GSN: variants seen among roughly 807,000 people sequenced by gnomAD.
GSN encodes the protein actin-depolymerizing factor.
A neutral mutation model predicts 85.7 loss-of-function variants in GSN; 56 were observed. The ratio of observed to expected loss-of-function variants is 0.65; its 90% CI spans 0.53 to 0.82. The LOEUF is 0.82. Among genes scored for constraint, GSN ranks in the 40% least tolerant of loss-of-function variants. The pLI is 0.00. For missense variants in GSN, 857 were observed against 979.8 expected (o/e 0.87, Z 1.67); for synonymous variants, 373 against 399.1 (o/e 0.93, Z 0.78).
Position 121,318,421 on chromosome 9 carries a change from C to T in GSN, c.902C>T (p.Thr301Met), listed in dbSNP as rs1469592806. Reference sequence around the variant, plus strand: ...CTGCCAACAGGCAAGCAGGCAAACACGGAGGAGAGGAAGGCTGCCCTCAAA... The same window carrying T: ...CTGCCAACAGGCAAGCAGGCAAACATGGAGGAGAGGAAGGCTGCCCTCAAA... ...IFVWKGKQAN[T>M]EERKAALKTA... The change falls in exon 9 of 18, where the codon ACG becomes ATG. Residue 301 changes from threonine to methionine, a missense_variant. By Grantham distance (81) the Thr-to-Met change is moderately conservative. Coordinates refer to ENST00000432226, the MANE Select transcript of GSN (RefSeq NM_198252.3). The surrounding 1 kb of genome is among the most constrained non-coding windows in gnomAD (Gnocchi z 4.3). 5.6e-6 allele frequency: 9 copies of T among 1,613,906 alleles called. No individual in the cohort carries two copies. In the East Asian group the frequency reaches 6.7e-5, roughly 12 times the overall value.
rs35596351 is a variant in GSN at position 121,322,833 on chromosome 9, A to ATT, written c.1325+1446_1325+1447dup. ...TTTTTGTCTGATTATTGACTGTTGGATTTTTTTTTTTTTTTGAGACAGGGT... is the reference window on the plus strand; with the variant it reads ...TTTTTGTCTGATTATTGACTGTTGGATTTTTTTTTTTTTTTTTGAGACAGGGT... On this transcript the variant is annotated intron_variant, in intron 11 of 17. Transcript: ENST00000432226. Among the ~76,000 whole-genome samples the ATT allele has an allele frequency of 3.5e-3, 500 of 143,836 alleles. 2 individuals carry two copies. Among genetic ancestry groups the ATT allele is most frequent in the Admixed American group, 4.1e-3 (60 of 14,582 alleles). The allele number at this position is 143,836 out of a possible 152,430, so 94.4% of individuals were successfully genotyped here.
At chr9:121,221,244 T>A (rs2054164931) in intron 4 of GSN, among the ~76,000 whole-genome samples, 1 of 152,188 alleles carries the variant, frequency 6.6e-6, no homozygotes, top group South Asian at 2.1e-4. Flanking sequence ...TCCCTTTACA[T>A]AACAAAAGTC....
At chr9:121,237,964 C>T (rs1451973014) in intron 5 of GSN, among the ~76,000 whole-genome samples, 3 of 152,208 alleles carry the variant, frequency 2.0e-5, no homozygotes, top group Non-Finnish European at 4.4e-5. Context: ...AAGCATTCAA[C>T]ACTGGAACAA....
At position 121,299,921 on chromosome 9, in the gene GSN, G is replaced by A; in HGVS notation, c.-9-2042G>A. 7.9e-7 allele frequency: 1 copy of A among 1,261,132 alleles called. No individual in the cohort carries two copies. The highest frequency in any genetic ancestry group is 2.5e-4 in the Middle Eastern group (1 of 3,954). The allele number at this position is 1,261,132 out of a possible 1,614,324, so 78.1% of individuals were successfully genotyped here. A position where few individuals can be genotyped will look rare whatever the true frequency, so the allele number is the denominator to read the frequency against. On this transcript the variant is annotated intron_variant, in intron 2 of 17. Coordinates refer to ENST00000432226, the MANE Select transcript of GSN (RefSeq NM_198252.3). The surrounding 1 kb of genome is among the most constrained non-coding windows in gnomAD (Gnocchi z 4.2). ...GCGCGCTGTCCCTGGCGCTGTGCGC[G>A]CTGTCGCTGCCCGTCCGCGCGGCCA...
intron 4 of GSN, among the ~76,000 whole-genome samples, chr9:121,224,831 T>TAAA (rs2054243710): frequency 1.3e-5 from 2 of 150,040 alleles, no homozygotes; most frequent in African/African-American, 4.9e-5. Context: ...AATAAATAAA[T>TAAA]TTATTGAGAC....
intron 4 of GSN, among the ~76,000 whole-genome samples, chr9:121,225,763 A>C (rs1262676361): frequency 6.6e-6 from 1 of 152,196 alleles, no homozygotes. Flanking sequence ...GGAATGAATA[A>C]GATGATTAGC....
chr9:121,224,245 C>G (rs2054229348), intron 4 of GSN, among the ~76,000 whole-genome samples: 1 of 151,794 alleles, frequency 6.6e-6, no homozygotes, highest in East Asian at 1.9e-4. Context: ...TACAGGCGCC[C>G]GTCACCACGC....
rs577994986 is a variant in GSN, at chr9:121,227,704, C to T, written c.-527-3461C>T. Among the ~76,000 whole-genome samples, 16 of 152,252 alleles carry T rather than the reference C, an allele frequency of 1.1e-4. No individual in the cohort carries two copies. In the South Asian group the frequency reaches 3.3e-3, roughly 32 times the overall value. On this transcript the variant is annotated intron_variant, in intron 4 of 24. Coordinates refer to the GSN transcript ENST00000373823. ...GAACTGCTTGGTGTGAGGGGAAATA[C>T]ACCCTCACATTGGTGTCAGACTGTT... is the stretch of plus-strand genomic sequence containing the variant.
chr9:121,294,369 A>G (rs1045318775), intron 2 of GSN, among the ~76,000 whole-genome samples: 2 of 152,110 alleles, frequency 1.3e-5, no homozygotes, highest in South Asian at 4.1e-4. Flanking sequence ...TCTCAGGGCC[A>G]TTTCCTCCCC....
chr9:121,273,758 A>G (rs150300654), intron 1 of GSN, among the ~76,000 whole-genome samples: 2 of 152,334 alleles, frequency 1.3e-5, no homozygotes, highest in East Asian at 1.9e-4. Flanking sequence ...TTTTAAAAGC[A>G]TACTATACCT....
In GSN at chr9:121,328,925, C is replaced by T; in HGVS notation, c.1797C>T (p.Ala599=). ...GGGAGGCCCTGGGCGGGAAGGCTGC[C>T]TACCGCACATCCCCACGGCTGAAGG... ...GFWEALGGKA[A]YRTSPRLKDK... is the part of the protein sequence containing the mutation. Residue 599 remains alanine (A), a synonymous_variant, in exon 15 of 18, where the codon GCC becomes GCT. Transcript: ENST00000432226. 6.2e-7 allele frequency: 1 copy of T among 1,613,438 alleles called. No homozygotes were observed.
At chr9:121,282,131 G>A (rs555702452) in intron 2 of GSN, 2 of 468,890 alleles carry the variant, frequency 4.3e-6, no homozygotes, top group East Asian at 5.3e-5. Context: ...GTGGGGAGGT[G>A]GGGGGAGGAG....
In GSN at chr9:121,301,448, G is replaced by A. The variant is rs376464191; in HGVS notation, c.-9-515G>A. Among the ~76,000 whole-genome samples, 233 of 152,204 alleles carry A rather than the reference G, an allele frequency of 1.5e-3. 1 individual carries two copies. Among genetic ancestry groups the A allele is most frequent in the South Asian group, 9.5e-3 (46 of 4,824 alleles). ...TCCAGACCAGCCTGACCAACATGGC[G>A]AAACCCTGTCTGTACTAAAAATACA... On this transcript the variant is annotated intron_variant, in intron 2 of 17. Transcript: ENST00000432226.
rs147554026 is a variant in GSN, at chr9:121,326,650, G to A, written c.1555G>A (p.Ala519Thr). Reference sequence around the variant, plus strand: ...CAGCACCCGCCTCTTCCAGGTCCGCGCCAACAGCGCTGGAGCCACCCGGGC... The same window carrying A: ...CAGCACCCGCCTCTTCCAGGTCCGCACCAACAGCGCTGGAGCCACCCGGGC... ...PASTRLFQVR[A>T]NSAGATRAVE... The change falls in exon 13 of 18, where the codon GCC (alanine) becomes ACC (threonine). Residue 519 changes from alanine (A) to threonine (T), a missense_variant. Ala to Thr is a moderately conservative substitution (Grantham distance 58). Coordinates refer to ENST00000432226, the MANE Select transcript of GSN (RefSeq NM_198252.3). 7.6e-4 allele frequency: 1,223 copies of A among 1,607,840 alleles called. No individual in the cohort carries two copies. Among genetic ancestry groups the A allele is most frequent in the Middle Eastern group, 1.2e-3 (7 of 6,068 alleles).
At chr9:121,264,324 G>A (rs946313563), upstream of GSN, among the ~76,000 whole-genome samples, 4 of 152,074 alleles carry the variant, frequency 2.6e-5, no homozygotes, top group South Asian at 2.1e-4. Flanking sequence ...CTGGTGGGAT[G>A]TACCTGTGGT....
chr9:121,324,716 C>G, intron 12 of GSN, 72 bp downstream of exon 12: 1 of 754,556 alleles, frequency 1.3e-6, no homozygotes, highest in Non-Finnish European at 2.3e-6. Context: ...CTGTCTGACT[C>G]TCATCCATCC....
upstream of GSN, among the ~76,000 whole-genome samples, chr9:121,266,470 AAGCAGAGAGT>A (rs2055208928): frequency 6.6e-6 from 1 of 152,226 alleles, no homozygotes; most frequent in Non-Finnish European, 1.5e-5. Context: ...CCTCTGGAGA[AAGCAGAGAGT>A]AGCAGAGATG....
At chr9:121,268,101 C>T (rs890561866), upstream of GSN, 4 of 151,296 alleles carry the variant, frequency 2.6e-5, no homozygotes, top group African/African-American at 7.3e-5. Context: ...CCGAGGGCGG[C>T]TCCCGCCCGC....
chr9:121,325,388 C>T (rs306766), intron 12 of GSN, among the ~76,000 whole-genome samples: 113,214 of 151,928 alleles, frequency 0.75, 42,526 homozygotes, highest in East Asian at 0.85. Flanking sequence ...TGCAAAGGCC[C>T]TGAGGTGGGA....
Sources: allele counts gnomAD v4.1 joint callset (sites outside exome capture counted in the v4.1 genomes callset), GRCh38; gene constraint gnomAD v4.1.1; non-coding constraint Gnocchi (gnomAD v3.1); transcripts MANE v1.5; gene names NCBI Gene and HGNC (gene_info 2026-07-23, HGNC 2026-07-21).